The following NCK1 variants were observed in gnomAD, a reference collection of about 807,000 sequenced individuals.
NCK1 encodes the protein NCK adaptor protein 1.
NCK1 carries 19 observed loss-of-function variants against 36.6 expected under a neutral mutation model. That is an observed-to-expected ratio of 0.52 (90% confidence interval 0.36 to 0.76). The LOEUF (loss-of-function observed/expected upper bound fraction) is 0.76. NCK1 is among the 30% of genes least tolerant of loss of function. The pLI, the probability that NCK1 is intolerant of heterozygous loss-of-function variation, is 0.00. For synonymous variants in NCK1, 165 were observed against 156.0 expected, an observed-to-expected ratio of 1.06 and a Z score of -0.43; for missense variants, 358 against 445.6, an observed-to-expected ratio of 0.80 and a Z score of 1.77.
intron 2 of NCK1, among the ~76,000 whole-genome samples, chr3:136,929,601 A>C (rs1234277195): frequency 3.9e-5 from 6 of 152,166 alleles, no homozygotes; most frequent in Non-Finnish European, 1.5e-5. Context: ...TAAATACTGG[A>C]ATTTATTTAA....
chr3:136,928,247 A>C lies in NCK1; in HGVS notation c.226+20A>C. 6.3e-7 allele frequency: 1 copy of C among 1,576,916 alleles called. No individual in the cohort carries two copies. The highest frequency in any genetic ancestry group is 8.6e-7 in the Non-Finnish European group (1 of 1,164,164). ...CCTTAGGTAAGATATTTTTTAAAAGAAAAGCAACTTTGTTTTAAATGAAAC... is the reference window on the plus strand; with the variant it reads ...CCTTAGGTAAGATATTTTTTAAAAGCAAAGCAACTTTGTTTTAAATGAAAC... On this transcript the variant is annotated intron_variant, in intron 2 of 3. Transcript: ENST00000481752.
At chr3:136,906,747 C>T (rs566997347) in intron 1 of NCK1, among the ~76,000 whole-genome samples, 2 of 152,216 alleles carry the variant, frequency 1.3e-5, no homozygotes, top group East Asian at 1.9e-4. Context: ...ACAGGCCAAT[C>T]CCCCAGGCTT....
chr3:136,884,651 G>A (rs757729636), intron 1 of NCK1, among the ~76,000 whole-genome samples: 6 of 152,008 alleles, frequency 3.9e-5, no homozygotes, highest in Non-Finnish European at 8.8e-5. Context: ...ATGTTGGCCA[G>A]GCTGGTCTTG....
At chr3:136,888,006 A>G (rs1185164856) in intron 1 of NCK1, among the ~76,000 whole-genome samples, 1 of 148,130 alleles carries the variant, frequency 6.8e-6, no homozygotes, top group Non-Finnish European at 1.5e-5. Context: ...GTGCAATGGC[A>G]TGATCTCTGC....
At chr3:136,898,874 T>C (rs2108097382) in intron 1 of NCK1, among the ~76,000 whole-genome samples, 1 of 152,334 alleles carries the variant, frequency 6.6e-6, no homozygotes, top group South Asian at 2.1e-4. Context: ...AAGATAATTC[T>C]TACAAAGCTC....
intron 1 of NCK1, among the ~76,000 whole-genome samples, chr3:136,892,937 A>G (rs930219536): frequency 1.3e-5 from 2 of 151,786 alleles, no homozygotes; most frequent in East Asian, 1.9e-4. Flanking sequence ...ACTGTACCCA[A>G]TGTGTAGTCT....
chr3:136,945,939 G>A lies in NCK1; in HGVS notation c.583G>A (p.Val195Ile). The A allele has an allele frequency of 6.2e-7, 1 of 1,614,042 alleles. No homozygotes were observed. Among genetic ancestry groups the A allele is most frequent in the Non-Finnish European group, 8.5e-7 (1 of 1,179,990 alleles). Residue 195 changes from valine (V) to isoleucine (I), a missense_variant, in exon 3 of 4, where the codon GTA becomes ATA. Val to Ile is a conservative substitution (Grantham distance 29, BLOSUM62 3). This residue lies in a region of NCK1 where 207 missense variants were observed against 253.4 expected (regional missense o/e 0.82). Coordinates refer to ENST00000481752, the MANE Select transcript of NCK1 (RefSeq NM_001291999.2). ...AAATACTGGGCAAGTGTTGCATGTG[G>A]TACAGGCTCTTTACCCATTCAGCTC... ...NLNTGQVLHVVQALYPFSSSN... is the reference protein window; with the variant it reads ...NLNTGQVLHVIQALYPFSSSN...
chr3:136,906,615 T>A (rs1209370377), intron 1 of NCK1, among the ~76,000 whole-genome samples: 1 of 152,112 alleles, frequency 6.6e-6, no homozygotes, highest in Non-Finnish European at 1.5e-5. Context: ...GCCAGGCAGG[T>A]TGACAGGTTT....
chr3:136,904,941 C>T, intron 1 of NCK1, among the ~76,000 whole-genome samples: 1 of 148,532 alleles, frequency 6.7e-6, no homozygotes, highest in African/African-American at 2.5e-5. Context: ...GTTGTTGACA[C>T]TTTCCAACGT....
At chr3:136,936,231 G>C (rs1013284781) in intron 2 of NCK1, among the ~76,000 whole-genome samples, 4 of 151,940 alleles carry the variant, frequency 2.6e-5, no homozygotes, top group South Asian at 4.2e-4. Flanking sequence ...AGTAGAGATG[G>C]GGTTTCACCA....
intron 1 of NCK1, among the ~76,000 whole-genome samples, chr3:136,923,228 TA>T (rs1159415068): frequency 2.6e-5 from 4 of 151,008 alleles, no homozygotes; most frequent in African/African-American, 7.3e-5. Flanking sequence ...TTAAATTATT[TA>T]AAAAAAAATA....
chr3:136,901,638 C>T (rs1939544417), intron 1 of NCK1, among the ~76,000 whole-genome samples: 4 of 152,042 alleles, frequency 2.6e-5, no homozygotes, highest in Admixed American at 2.6e-4. Flanking sequence ...GGAATGCATC[C>T]ATTTCCTCTC....
At chr3:136,935,250 A>T (rs1378017515) in intron 2 of NCK1, among the ~76,000 whole-genome samples, 2 of 152,316 alleles carry the variant, frequency 1.3e-5, no homozygotes, top group Middle Eastern at 3.4e-3. Context: ...GTTTTTAAAT[A>T]TAAGCTTCCA....
intron 1 of NCK1, among the ~76,000 whole-genome samples, chr3:136,887,939 CTTTCTT>C (rs1939115869): frequency 6.7e-6 from 1 of 150,032 alleles, no homozygotes. Flanking sequence ...TTCTTTCTTT[CTTTCTT>C]TTTTTTTTTT....
At chr3:136,862,644 CCGCCCGTG>C (rs1938262726) in intron 1 of NCK1, among the ~76,000 whole-genome samples, 1 of 152,036 alleles carries the variant, frequency 6.6e-6, no homozygotes, top group East Asian at 1.9e-4. Context: ...GCCCGGGCGG[CCGCCCGTG>C]CGAGCCTGGG....
At chr3:136,877,061 A>G (rs1293117233) in intron 1 of NCK1, among the ~76,000 whole-genome samples, 1 of 152,200 alleles carries the variant, frequency 6.6e-6, no homozygotes, top group Non-Finnish European at 1.5e-5. Flanking sequence ...AGACAAATCC[A>G]TAAGCATAAT....
chr3:136,932,314 TTTTA>T (rs2108135116), intron 2 of NCK1, among the ~76,000 whole-genome samples: 1 of 152,202 alleles, frequency 6.6e-6, no homozygotes, highest in Admixed American at 6.5e-5. Context: ...AACCCCAAAT[TTTTA>T]TTTATTTTGC....
rs1940913211 is a variant in NCK1 at position 136,949,309 on chromosome 3, C to T, written c.*856C>T. ...ATGCCAGTGGGAAATAAGTTATGGCCAAGTTTTGCAAAAACAGGAAGCAGT... is the reference window on the plus strand; with the variant it reads ...ATGCCAGTGGGAAATAAGTTATGGCTAAGTTTTGCAAAAACAGGAAGCAGT... On this transcript the variant is annotated 3_prime_UTR_variant, in exon 4 of 4. Coordinates refer to ENST00000481752, the MANE Select transcript of NCK1 (RefSeq NM_001291999.2). 6.6e-6 allele frequency: 1 copy of T among 151,740 alleles called. No homozygotes were observed. Among genetic ancestry groups the T allele is most frequent in the Admixed American group, 6.6e-5 (1 of 15,232 alleles). The allele number at this position is 151,740 out of a possible 1,614,324, so 9.4% of individuals were successfully genotyped here.
At chr3:136,915,672 G>A (rs926133670) in intron 1 of NCK1, among the ~76,000 whole-genome samples, 2 of 151,952 alleles carry the variant, frequency 1.3e-5, no homozygotes, top group African/African-American at 2.4e-5. Flanking sequence ...TGTATAGGAA[G>A]CATGGCCAGA....
Sources: allele counts gnomAD v4.1 joint callset (sites outside exome capture counted in the v4.1 genomes callset), GRCh38; gene constraint gnomAD v4.1.1; regional missense constraint gnomAD v4.1.1; transcripts MANE v1.5; gene names NCBI Gene and HGNC (gene_info 2026-07-23, HGNC 2026-07-21).